Variants in ME1 observed in about 807,000 individuals in gnomAD.
ME1 encodes malic enzyme 1.
A neutral mutation model predicts 66.4 loss-of-function variants in ME1; 74 were observed. That is an observed-to-expected ratio of 1.11 (90% CI 0.92 to 1.35). The LOEUF (loss-of-function observed/expected upper bound fraction) is 1.35. Ranked by LOEUF, ME1 falls within the 40% of genes most tolerant of loss-of-function variation. ME1 has a pLI of 0.00. For synonymous variants in ME1, 251 were observed against 235.6 expected (o/e 1.07, Z -0.60); for missense variants, 750 against 694.1 (o/e 1.08, Z -0.90).
chr6:83,402,024 T>C (rs1769849870), intron 2 of ME1, among the ~76,000 whole-genome samples: 1 of 152,224 alleles, frequency 6.6e-6, no homozygotes, highest in Admixed American at 6.5e-5. Flanking sequence ...CCTCATGGTA[T>C]TCCACACAGC....
intron 6 of ME1, among the ~76,000 whole-genome samples, chr6:83,314,778 A>C (rs769480492): frequency 6.6e-6 from 1 of 152,182 alleles, no homozygotes; most frequent in East Asian, 1.9e-4. Flanking sequence ...AATATTATAG[A>C]TTTAATCAGA....
intron 3 of ME1, among the ~76,000 whole-genome samples, chr6:83,361,181 G>A (rs927656871): frequency 4.3e-4 from 65 of 152,336 alleles, no homozygotes; most frequent in African/African-American, 1.3e-3. Context: ...AGACATTTGC[G>A]TGCCAGAGGA....
At chr6:83,322,291 G>A (rs1309698185) in intron 5 of ME1, among the ~76,000 whole-genome samples, 1 of 152,122 alleles carries the variant, frequency 6.6e-6, no homozygotes, top group Non-Finnish European at 1.5e-5. Context: ...AATAAAACTG[G>A]ATGGAGAATG....
chr6:83,243,720 T>C (rs1319333055), intron 7 of ME1, among the ~76,000 whole-genome samples: 1 of 133,070 alleles, frequency 7.5e-6, no homozygotes, highest in Non-Finnish European at 1.5e-5. Flanking sequence ...TAAATAATTG[T>C]GTATTTATAT....
chr6:83,312,954 G>A (rs554286725), intron 6 of ME1, among the ~76,000 whole-genome samples: 7 of 152,030 alleles, frequency 4.6e-5, no homozygotes, highest in South Asian at 2.1e-4. Context: ...ACAGGGTTTC[G>A]CCATGCTGGC....
At position 83,407,782 on chromosome 6, in the gene ME1, GTTCAGATGCTCGAAATTT is replaced by G; in HGVS notation, c.180_197del (p.Lys60_Leu65del). On this transcript the variant is annotated inframe_deletion, in exon 2 of 14. Transcript: ENST00000369705. ...CAATGTGTTACCTGTCAAAGTCAGAGTTCAGATGCTCGAAATTTTTTACTACTCTAAGAACCTGGATCT... is the reference window on the plus strand; with the variant it reads ...CAATGTGTTACCTGTCAAAGTCAGAGTTTACTACTCTAAGAACCTGGATCT... 1.2e-6 allele frequency: 2 copies of G among 1,606,310 alleles called. No individual in the cohort carries two copies. The highest frequency in any genetic ancestry group is 1.7e-6 in the Non-Finnish European group (2 of 1,177,900).
intron 7 of ME1, among the ~76,000 whole-genome samples, chr6:83,250,455 G>A (rs1562459621): frequency 6.6e-6 from 1 of 152,194 alleles, no homozygotes; most frequent in Non-Finnish European, 1.5e-5. Flanking sequence ...GCAAATCAGT[G>A]TGACTCTATA....
intron 3 of ME1, among the ~76,000 whole-genome samples, chr6:83,357,929 CTCTCTCTATATATATATATATATATA>C (rs1439239230): frequency 3.4e-4 from 19 of 56,328 alleles, no homozygotes; most frequent in African/African-American, 1.1e-3. Context: ...CTCTCTCTCT[CTCTCTCTATATATATATATATATATA>C]TATATATATA....
Position 83,212,110 on chromosome 6 carries a change from G to T in ME1, c.1549-16C>A, listed in dbSNP as rs762952733. 65 of 1,552,232 alleles carry T rather than the reference G, an allele frequency of 4.2e-5. No homozygotes were observed. The highest frequency in any genetic ancestry group is 5.3e-5 in the Non-Finnish European group (61 of 1,140,428). On this transcript the variant is annotated splice_polypyrimidine_tract_variant and intron_variant, in intron 13 of 13. Transcript: ENST00000369705. ...CTTTCACAATCTAGATATAAGAAAA[G>T]AATATTAATTATTTTAATAAATAGA...
chr6:83,288,613 G>A (rs1052205542), intron 6 of ME1, among the ~76,000 whole-genome samples: 2 of 152,014 alleles, frequency 1.3e-5, no homozygotes, highest in Non-Finnish European at 2.9e-5. Flanking sequence ...TGTTCTTCTT[G>A]CCCAGGACTG....
At chr6:83,228,578 G>C (rs1375963195) in intron 10 of ME1, among the ~76,000 whole-genome samples, 1 of 152,144 alleles carries the variant, frequency 6.6e-6, no homozygotes, top group Non-Finnish European at 1.5e-5. Flanking sequence ...GCCTAGAAAA[G>C]TGCTGAACGT....
At chr6:83,363,062 G>A (rs1454791766) in intron 3 of ME1, among the ~76,000 whole-genome samples, 7 of 152,246 alleles carry the variant, frequency 4.6e-5, no homozygotes, top group African/African-American at 7.2e-5. Context: ...CTGAATCAGC[G>A]TCCAATATAT....
At chr6:83,368,458 G>A (rs951289081) in intron 3 of ME1, among the ~76,000 whole-genome samples, 2 of 151,938 alleles carry the variant, frequency 1.3e-5, no homozygotes, top group African/African-American at 2.4e-5. Context: ...CTTGGTTTTA[G>A]TTTCCTATTA....
intron 6 of ME1, among the ~76,000 whole-genome samples, chr6:83,281,395 C>T (rs1428962940): frequency 6.6e-6 from 1 of 152,216 alleles, no homozygotes; most frequent in Admixed American, 6.5e-5. Flanking sequence ...GACATCATCT[C>T]TGATAACTCA....
At chr6:83,347,261 G>A (rs1437079159) in intron 4 of ME1, among the ~76,000 whole-genome samples, 1 of 152,016 alleles carries the variant, frequency 6.6e-6, no homozygotes, top group Non-Finnish European at 1.5e-5. Context: ...AGCCTGTTTA[G>A]TTTATTTCTA....
intron 5 of ME1, among the ~76,000 whole-genome samples, chr6:83,321,105 C>A (rs530822781): frequency 6.6e-6 from 1 of 152,124 alleles, no homozygotes; most frequent in African/African-American, 2.4e-5. Context: ...CTGCCCTGAG[C>A]GACTATGCAC....
rs1197857221 is a variant in ME1 at position 83,396,784 on chromosome 6, CAAAG to C, written c.362+1579_362+1582del. Among the ~76,000 whole-genome samples the C allele has an allele frequency of 2.0e-5, 3 of 151,874 alleles. No homozygotes were observed. The East Asian group carries it at 5.8e-4, about 29-fold the overall frequency. ...CCAGTATAAAAACAAACACAGAGAC[CAAAG>C]AAAGAGAATAGACAGCCCAGAATGA... On this transcript the variant is annotated intron_variant, in intron 3 of 13. Transcript: ENST00000369705.
intron 3 of ME1, among the ~76,000 whole-genome samples, chr6:83,374,178 C>T (rs1394331803): frequency 6.6e-6 from 1 of 152,220 alleles, no homozygotes; most frequent in African/African-American, 2.4e-5. Flanking sequence ...AATCACCACA[C>T]TGTCTTCCAT....
At chr6:83,301,787 T>A (rs1767726008) in intron 6 of ME1, among the ~76,000 whole-genome samples, 1 of 152,206 alleles carries the variant, frequency 6.6e-6, no homozygotes, top group South Asian at 2.1e-4. Context: ...TATTTAAACA[T>A]CAAAAAACAC....
Sources: allele counts gnomAD v4.1 joint callset (sites outside exome capture counted in the v4.1 genomes callset), GRCh38; gene constraint gnomAD v4.1.1; transcripts MANE v1.5; gene names NCBI Gene and HGNC (gene_info 2026-07-23, HGNC 2026-07-21).